SP100: variants seen among roughly 807,000 people sequenced by gnomAD.
The protein encoded by SP100 is SP100 nuclear body protein.
A neutral mutation model predicts 130.0 loss-of-function variants in SP100; 84 were observed. The observed-to-expected ratio is 0.65, with a 90% CI of 0.54 to 0.77. SP100 has a LOEUF of 0.77. Ranked by LOEUF, SP100 falls within the 30% of genes least tolerant of loss-of-function variation. The probability of loss-of-function intolerance (pLI) is 0.00; values close to 1 mark genes in which losing one functional copy is unlikely to be tolerated. For synonymous variants in SP100, 331 were observed against 351.7 expected, an observed-to-expected ratio of 0.94 and a Z score of 0.66; for missense variants, 978 against 1,052.2, an observed-to-expected ratio of 0.93 and a Z score of 0.97.
At chr2:230,437,530 G>A (rs1374214295) in intron 2 of SP100, among the ~76,000 whole-genome samples, 1 of 151,950 alleles carries the variant, frequency 6.6e-6, no homozygotes, top group African/African-American at 2.4e-5. Flanking sequence ...AGAAATATGT[G>A]TTCTCTGTTT....
chr2:230,441,577 T>C lies in SP100; in HGVS notation c.108-1360T>C, dbSNP rs139225965. On this transcript the variant is annotated intron_variant, in intron 2 of 28. Coordinates refer to ENST00000340126, the MANE Select transcript of SP100 (RefSeq NM_001080391.2). ...AACAACAAAAATGAACAAACTACTG[T>C]TCAACACATCAACATGAATGATAAG... 9.2e-3 allele frequency among the ~76,000 whole-genome samples: 1,403 copies of C among 152,256 alleles called. 23 individuals carry two copies. The highest frequency in any genetic ancestry group is 0.032 in the African/African-American group (1,344 of 41,554).
At chr2:230,440,407 CAATAA>C in intron 2 of SP100, 4 of 472,410 alleles carry the variant, frequency 8.5e-6, no homozygotes, top group Non-Finnish European at 1.3e-5. Flanking sequence ...AACACCAAAA[CAATAA>C]AATAACTAGG....
intron 18 of SP100, among the ~76,000 whole-genome samples, chr2:230,497,904 T>C (rs1304866409): frequency 2.6e-5 from 4 of 152,200 alleles, no homozygotes; most frequent in African/African-American, 7.2e-5. Context: ...AAAGCCTTCA[T>C]TGAGGGCTAA....
intron 24 of SP100, chr2:230,537,759 G>A (rs541520373): frequency 1.3e-5 from 2 of 152,360 alleles, no homozygotes; most frequent in East Asian, 3.9e-4. Flanking sequence ...CTGAGAATTG[G>A]TGTTTCCAAA....
intron 11 of SP100, among the ~76,000 whole-genome samples, chr2:230,466,014 G>A (rs992604454): frequency 4.0e-5 from 6 of 151,630 alleles, no homozygotes; most frequent in African/African-American, 9.7e-5. Flanking sequence ...GTGAAACCCC[G>A]TCTTTACTAA....
chr2:230,476,502 A>G (rs2065556354), intron 17 of SP100, among the ~76,000 whole-genome samples: 1 of 152,072 alleles, frequency 6.6e-6, no homozygotes, highest in South Asian at 2.1e-4. Flanking sequence ...CAAAATGCTC[A>G]TGTTGCTTTA....
intron 2 of SP100, among the ~76,000 whole-genome samples, chr2:230,425,121 C>G (rs1415764092): frequency 1.3e-5 from 2 of 152,180 alleles, no homozygotes; most frequent in African/African-American, 4.8e-5. Flanking sequence ...ACATATCCAT[C>G]ATGTCACATA....
intron 24 of SP100, among the ~76,000 whole-genome samples, chr2:230,529,974 G>T (rs559718886): frequency 1.3e-5 from 2 of 152,158 alleles, no homozygotes; most frequent in Non-Finnish European, 2.9e-5. Flanking sequence ...TGGATAGGAA[G>T]AATCAATATC....
intron 8 of SP100, among the ~76,000 whole-genome samples, chr2:230,460,316 C>T (rs574129302): frequency 3.0e-4 from 46 of 151,916 alleles, no homozygotes; most frequent in African/African-American, 7.5e-4. Flanking sequence ...TTATACAAAA[C>T]GAATACAGAT....
intron 24 of SP100, among the ~76,000 whole-genome samples, chr2:230,523,920 A>C (rs566027370): frequency 1.3e-5 from 2 of 152,024 alleles, no homozygotes; most frequent in Admixed American, 1.3e-4. Flanking sequence ...AAAAAAAAAA[A>C]TTATTGGTAA....
rs1692252169 is a variant in SP100 at position 230,543,928 on chromosome 2, C to A, written c.*982C>A. ...AAACTATATTACAGGGCTTCAGTAA[C>A]CAAAACAGCATGGTACTGGTACCAA... On this transcript the variant is annotated 3_prime_UTR_variant, in exon 29 of 29. Transcript: ENST00000340126. The A allele has an allele frequency of 6.6e-6, 1 of 152,070 alleles. No homozygotes were observed. The highest frequency in any genetic ancestry group is 2.4e-5 in the African/African-American group (1 of 41,382). The allele number at this position is 152,070 out of a possible 1,614,324, so 9.4% of individuals were successfully genotyped here.
intron 18 of SP100, among the ~76,000 whole-genome samples, chr2:230,497,153 C>T (rs1164542254): frequency 6.6e-6 from 1 of 152,108 alleles, no homozygotes; most frequent in East Asian, 1.9e-4. Flanking sequence ...GTCCCAAGAG[C>T]TCTATAGTAT....
chr2:230,478,892 C>T (rs2065694068), intron 17 of SP100, among the ~76,000 whole-genome samples: 1 of 152,130 alleles, frequency 6.6e-6, no homozygotes, highest in African/African-American at 2.4e-5. Flanking sequence ...GCAATCTCGG[C>T]TCACTGCAAC....
Position 230,444,192 on chromosome 2 carries a change from T to C in SP100, c.285T>C (p.Ser95=), listed in dbSNP as rs767911704. 6.3e-6 allele frequency: 10 copies of C among 1,575,824 alleles called. No homozygotes were observed. The Admixed American group carries it at 1.2e-4, about 19-fold the overall frequency. ...TATTTTTTAAGGATTCTCAAGATTC[T>C]TGTAGAAACCTGGTCCCTGTACAGA... ...TNKMFEDSQD[S]CRNLVPVQRV... is the part of the protein sequence containing the mutation. The change falls in exon 4 of 29, where the codon TCT becomes TCC. Residue 95 remains serine, a synonymous_variant. Coordinates refer to ENST00000340126, the MANE Select transcript of SP100 (RefSeq NM_001080391.2).
intron 2 of SP100, among the ~76,000 whole-genome samples, chr2:230,434,589 T>A (rs73095025): frequency 0.11 from 16,407 of 151,848 alleles, 934 homozygotes; most frequent in Middle Eastern, 0.22. Context: ...TAGGGAGTAG[T>A]AAGGGCATGA....
At chr2:230,508,331 T>TTTA in intron 23 of SP100, 2 of 326,676 alleles carry the variant, frequency 6.1e-6, no homozygotes, top group Non-Finnish European at 1.1e-5. Context: ...TTTTTTTTTT[T>TTTA]AAGAGAAAGA....
intron 18 of SP100, among the ~76,000 whole-genome samples, chr2:230,497,488 G>GAGGAGAGGAGAGGAGAGGAGAGGA (rs2066736663): frequency 3.1e-5 from 1 of 32,468 alleles, no homozygotes; most frequent in Non-Finnish European, 5.9e-5. Context: ...GGAGGGGAGG[G>GAGGAGAGGAGAGGAGAGGAGAGGA]GAGGAGAGGA....
rs1467554834 is a variant in SP100, at chr2:230,508,018, G to A, written c.2039G>A (p.Ser680Asn). 3 of 1,612,744 alleles carry A rather than the reference G, an allele frequency of 1.9e-6. No individual in the cohort carries two copies. The highest frequency in any genetic ancestry group is 1.3e-5 in the African/African-American group (1 of 74,922). Residue 680 changes from serine to asparagine, a missense_variant, in exon 23 of 29, where the codon AGC becomes AAC. Ser to Asn is a conservative substitution (Grantham distance 46). Transcript: ENST00000340126. Reference protein sequence around the residue: ...MENKFLPEPPSTRKKRILESH... With the variant: ...MENKFLPEPPNTRKKRILESH... The stretch of plus-strand genomic sequence containing the variant: ...AACAAATTTCTGCCAGAACCACCAA[G>A]CACAAGAAAAAAGGTGATGATCAAG...
chr2:230,500,804 C>G (rs2559092), intron 19 of SP100, among the ~76,000 whole-genome samples: 25,664 of 152,088 alleles, frequency 0.17, 2,490 homozygotes, highest in Non-Finnish European at 0.22. Flanking sequence ...GCAACCGCAT[C>G]AACTACCATA....
Sources: allele counts gnomAD v4.1 joint callset (sites outside exome capture counted in the v4.1 genomes callset), GRCh38; gene constraint gnomAD v4.1.1; transcripts MANE v1.5; gene names NCBI Gene and HGNC (gene_info 2026-07-23, HGNC 2026-07-21).